The following MYRIP variants were observed in gnomAD, a reference collection of about 807,000 sequenced individuals.
The protein encoded by MYRIP is myosin VIIA and Rab interacting protein, also known as rab effector MyRIP.
MYRIP carries 49 observed loss-of-function variants against 98.0 expected under a neutral mutation model. The observed-to-expected ratio is 0.50, with a 90% CI of 0.40 to 0.63. The LOEUF is 0.63. Among genes scored for constraint, MYRIP ranks in the 30% least tolerant of loss-of-function variants. The pLI is 0.00. For synonymous variants in MYRIP, 404 were observed against 409.5 expected (o/e 0.99, Z 0.16); for missense variants, 1,004 against 1,058.2 (o/e 0.95, Z 0.71).
At chr3:40,214,310 GCT>G (rs1491353689) in intron 11 of MYRIP, among the ~76,000 whole-genome samples, 2 of 149,722 alleles carry the variant, frequency 1.3e-5, no homozygotes, top group Non-Finnish European at 2.9e-5. Flanking sequence ...CACTGTCCCT[GCT>G]GTTTGGGAGC....
intron 3 of MYRIP, among the ~76,000 whole-genome samples, chr3:40,045,993 G>C (rs542217048): frequency 6.6e-6 from 1 of 152,274 alleles, no homozygotes. Flanking sequence ...ATTCTATATA[G>C]AGAAAAAGAT....
At chr3:40,144,014 G>T (rs1230889660) in intron 3 of MYRIP, among the ~76,000 whole-genome samples, 1 of 152,190 alleles carries the variant, frequency 6.6e-6, no homozygotes, top group Admixed American at 6.5e-5. Context: ...AATGAATGGA[G>T]AACTCATCCG....
intron 1 of MYRIP, among the ~76,000 whole-genome samples, chr3:39,873,444 T>TAA: frequency 6.6e-6 from 1 of 152,158 alleles, no homozygotes; most frequent in South Asian, 2.1e-4. Context: ...AATGCCTAGG[T>TAA]TTTCTTCTAG....
At chr3:40,203,988 A>T (rs1158680798) in intron 10 of MYRIP, among the ~76,000 whole-genome samples, 1 of 694 alleles carries the variant, frequency 1.4e-3, no homozygotes, top group African/African-American at 2.6e-3. Flanking sequence ...TATATAATAT[A>T]TATTATATAT....
chr3:39,965,151 G>A (rs1945411362), intron 2 of MYRIP, among the ~76,000 whole-genome samples: 1 of 151,882 alleles, frequency 6.6e-6, no homozygotes, highest in African/African-American at 2.4e-5. Flanking sequence ...CAGTGCATTT[G>A]TGAACATGTT....
intron 3 of MYRIP, among the ~76,000 whole-genome samples, chr3:40,105,750 C>T (rs1393427152): frequency 6.6e-6 from 1 of 152,110 alleles, no homozygotes; most frequent in Non-Finnish European, 1.5e-5. Flanking sequence ...AAAGGACCTT[C>T]TTCACATGGC....
At chr3:39,810,186 T>C (rs576208278) in intron 1 of MYRIP, among the ~76,000 whole-genome samples, 1 of 152,352 alleles carries the variant, frequency 6.6e-6, no homozygotes, top group East Asian at 1.9e-4. Flanking sequence ...GGAGCTCGCC[T>C]CTGCGTTTCC....
chr3:39,945,507 AAG>A (rs1944882685), intron 2 of MYRIP, among the ~76,000 whole-genome samples: 1 of 150,916 alleles, frequency 6.6e-6, no homozygotes, highest in Non-Finnish European at 1.5e-5. Context: ...AAGAAAAAAA[AAG>A]AATGTATCTT....
chr3:39,990,176 GA>G (rs1280189808), intron 2 of MYRIP, among the ~76,000 whole-genome samples: 1 of 152,194 alleles, frequency 6.6e-6, no homozygotes, highest in Non-Finnish European at 1.5e-5. Flanking sequence ...CAGTTCCATG[GA>G]AAAAGGACAT....
chr3:39,841,958 T>G (rs1941814348), intron 1 of MYRIP, among the ~76,000 whole-genome samples: 1 of 152,296 alleles, frequency 6.6e-6, no homozygotes, highest in Admixed American at 6.5e-5. Flanking sequence ...GAGGAGGCAG[T>G]CTGTCCCTTA....
chr3:40,066,003 C>T (rs17075172), intron 3 of MYRIP, among the ~76,000 whole-genome samples: 14,319 of 152,160 alleles, frequency 0.094, 777 homozygotes, highest in East Asian at 0.22. Flanking sequence ...CTCAGATCTG[C>T]TCCTGCCATG....
At chr3:39,825,288 C>T (rs1177390788) in intron 1 of MYRIP, among the ~76,000 whole-genome samples, 1 of 152,082 alleles carries the variant, frequency 6.6e-6, no homozygotes, top group African/African-American at 2.4e-5. Flanking sequence ...GGAGAAAAAG[C>T]TTTTGGCTTT....
At chr3:39,859,962 G>A (rs1942418826) in intron 1 of MYRIP, among the ~76,000 whole-genome samples, 1 of 152,066 alleles carries the variant, frequency 6.6e-6, no homozygotes, top group South Asian at 2.1e-4. Flanking sequence ...CAAGACAAGG[G>A]TGCCCACTCT....
chr3:39,956,807 G>C (rs1408325293), intron 2 of MYRIP, among the ~76,000 whole-genome samples: 2 of 151,522 alleles, frequency 1.3e-5, no homozygotes, highest in African/African-American at 2.4e-5. Flanking sequence ...AGAAAAGAGA[G>C]AAGAATCAAA....
At chr3:39,954,513 G>T (rs572196853) in intron 2 of MYRIP, among the ~76,000 whole-genome samples, 23 of 152,152 alleles carry the variant, frequency 1.5e-4, no homozygotes, top group Non-Finnish European at 2.4e-4. Context: ...AACCCCATCT[G>T]TACGTCACCA....
At chr3:39,983,015 T>G (rs1280526407) in intron 2 of MYRIP, among the ~76,000 whole-genome samples, 1 of 152,242 alleles carries the variant, frequency 6.6e-6, no homozygotes, top group Non-Finnish European at 1.5e-5. Flanking sequence ...AACCAAAGAT[T>G]ATAATTATTT....
chr3:40,102,302 C>T (rs1414050248), intron 3 of MYRIP, among the ~76,000 whole-genome samples: 1 of 152,198 alleles, frequency 6.6e-6, no homozygotes, highest in Non-Finnish European at 1.5e-5. Flanking sequence ...CATCTGCCTG[C>T]ATTCTCACTT....
intron 1 of MYRIP, among the ~76,000 whole-genome samples, chr3:39,842,019 C>T (rs1941817452): frequency 6.6e-6 from 1 of 152,160 alleles, no homozygotes; most frequent in Admixed American, 6.5e-5. Context: ...TCAGAGCCGG[C>T]AGGCAGGAAA....
chr3:40,202,939 TTA>T (rs1262822711), intron 10 of MYRIP, among the ~76,000 whole-genome samples: 1 of 151,624 alleles, frequency 6.6e-6, no homozygotes. Flanking sequence ...ATTTATTTAT[TTA>T]TTTATTTGAG....
Sources: allele counts gnomAD v4.1 joint callset (sites outside exome capture counted in the v4.1 genomes callset), GRCh38; gene constraint gnomAD v4.1.1; transcripts MANE v1.5; gene names NCBI Gene and HGNC (gene_info 2026-07-23, HGNC 2026-07-21).